SPAG17: variants seen among roughly 807,000 people sequenced by gnomAD.
SPAG17 encodes the protein sperm-associated antigen 17.
A neutral mutation model predicts 273.6 loss-of-function variants in SPAG17; 169 were observed. The ratio of observed to expected loss-of-function variants is 0.62; its 90% CI spans 0.55 to 0.70. The LOEUF (loss-of-function observed/expected upper bound fraction) is 0.70, where lower values mean the gene tolerates loss of function less well. SPAG17 is among the 30% of genes least tolerant of loss of function. The probability of loss-of-function intolerance (pLI) is 0.00; values close to 1 mark genes in which losing one functional copy is unlikely to be tolerated. For synonymous variants in SPAG17, 825 were observed against 873.2 expected, an observed-to-expected ratio of 0.94 and a Z score of 0.97; for missense variants, 2,557 against 2,627.8, an observed-to-expected ratio of 0.97 and a Z score of 0.59.
intron 38 of SPAG17, among the ~76,000 whole-genome samples, chr1:117,990,133 T>C (rs1421100070): frequency 3.3e-5 from 5 of 152,088 alleles, no homozygotes; most frequent in African/African-American, 1.2e-4. Context: ...CTGTCAATTA[T>C]CTTCAGCCAA....
chr1:118,094,768 C>T (rs918288379), intron 7 of SPAG17, among the ~76,000 whole-genome samples: 1 of 152,044 alleles, frequency 6.6e-6, no homozygotes, highest in Non-Finnish European at 1.5e-5. Flanking sequence ...CAAGACTTTC[C>T]CTCCCCATCA....
At chr1:118,006,860 T>A (rs769630191) in intron 31 of SPAG17, among the ~76,000 whole-genome samples, 6 of 152,262 alleles carry the variant, frequency 3.9e-5, no homozygotes, top group Admixed American at 6.5e-5. Context: ...CCCTCACAAC[T>A]AATGATGTTG....
chr1:118,115,694 G>A (rs569778492), intron 3 of SPAG17, among the ~76,000 whole-genome samples: 8 of 152,242 alleles, frequency 5.3e-5, no homozygotes, highest in East Asian at 1.9e-4. Context: ...TGCTTCCCAC[G>A]ATGGTGTTAG....
At chr1:118,168,866 C>T (rs1660291112) in intron 1 of SPAG17, among the ~76,000 whole-genome samples, 1 of 152,058 alleles carries the variant, frequency 6.6e-6, no homozygotes, top group Admixed American at 6.6e-5. Context: ...ATCTTCAGGC[C>T]AGGAAACTGC....
chr1:118,102,659 G>T (rs539207882), intron 4 of SPAG17, among the ~76,000 whole-genome samples: 1 of 152,080 alleles, frequency 6.6e-6, no homozygotes, highest in Admixed American at 6.5e-5. Flanking sequence ...CATTAATTCC[G>T]CCCCAACACC....
Position 118,023,482 on chromosome 1 carries a change from T to C in SPAG17, c.3910-19A>G. 2 of 1,597,896 alleles carry C rather than the reference T, an allele frequency of 1.3e-6. No individual in the cohort carries two copies. Among genetic ancestry groups the C allele is most frequent in the Non-Finnish European group, 1.7e-6 (2 of 1,171,978 alleles). On this transcript the variant is annotated intron_variant, in intron 27 of 48. Transcript: ENST00000336338. ...AGAGAATCTGAAGAATGAACAAAAGTTTTCAGCATTCTCAGAAGCAAGAGA... is the reference window on the plus strand; with the variant it reads ...AGAGAATCTGAAGAATGAACAAAAGCTTTCAGCATTCTCAGAAGCAAGAGA...
At chr1:118,165,868 C>G (rs2102382040) in intron 1 of SPAG17, among the ~76,000 whole-genome samples, 1 of 152,166 alleles carries the variant, frequency 6.6e-6, no homozygotes, top group African/African-American at 2.4e-5. Context: ...TGGTCTCAAT[C>G]TCCTGACCTC....
chr1:118,021,522 G>A (rs1278768155), intron 28 of SPAG17, among the ~76,000 whole-genome samples: 4 of 152,122 alleles, frequency 2.6e-5, no homozygotes, highest in African/African-American at 9.7e-5. Context: ...CACCAAGAGT[G>A]AACCCTAATG....
In SPAG17 at chr1:117,996,290, CATGAAG is replaced by C; in HGVS notation, c.5053+74_5053+79del. 4.8e-6 allele frequency: 7 copies of C among 1,462,078 alleles called. No homozygotes were observed. In the South Asian group the frequency reaches 1.1e-4, roughly 23 times the overall value. The allele number at this position is 1,462,078 out of a possible 1,614,324, so 90.6% of individuals were successfully genotyped here. A position where few individuals can be genotyped will look rare whatever the true frequency, so the allele number is the denominator to read the frequency against. On this transcript the variant is annotated intron_variant, in intron 34 of 48. Coordinates refer to ENST00000336338, the MANE Select transcript of SPAG17 (RefSeq NM_206996.4). ...GAGCAAAGCGGAAAAAGTAAGATGACATGAAGATAGACTGGATAGTAAGGAGGATGA... is the reference window on the plus strand; with the variant it reads ...GAGCAAAGCGGAAAAAGTAAGATGACATAGACTGGATAGTAAGGAGGATGA...
rs781128565 is a variant in SPAG17, at chr1:118,093,209, C to A, written c.1120G>T (p.Val374Phe). 3 of 1,613,726 alleles carry A rather than the reference C, an allele frequency of 1.9e-6. No homozygotes were observed. The South Asian group carries it at 3.3e-5, about 18-fold the overall frequency. The change falls in exon 8 of 49, where the codon GTT becomes TTT. Residue 374 changes from valine to phenylalanine, a missense_variant. By Grantham distance (50) the Val-to-Phe change is conservative (BLOSUM62 -1). Transcript: ENST00000336338. The stretch of plus-strand genomic sequence containing the variant: ...GGTTTCTCATTAACCACTTGTGGAA[C>A]ATTAATAAGCTGCATGCTTTCCAAA... Reference protein sequence around the residue: ...HYLESMQLINVPQVVNEKPVL... With the variant: ...HYLESMQLINFPQVVNEKPVL...
chr1:117,967,296 C>CAA (rs5777330), intron 46 of SPAG17, among the ~76,000 whole-genome samples: 208 of 85,998 alleles, frequency 2.4e-3, no homozygotes, highest in African/African-American at 9.1e-3. Flanking sequence ...AACTCCATCT[C>CAA]AAAAAAAAAA....
At chr1:118,103,902 T>G (rs1242297563) in intron 4 of SPAG17, among the ~76,000 whole-genome samples, 1 of 146,752 alleles carries the variant, frequency 6.8e-6, no homozygotes, top group Non-Finnish European at 1.5e-5. Flanking sequence ...GCTGCGTGTG[T>G]TCCAAGAACT....
chr1:117,995,964 T>C lies in SPAG17; in HGVS notation c.5053+406A>G, dbSNP rs146765364. On this transcript the variant is annotated intron_variant, in intron 34 of 48. Transcript: ENST00000336338. ...TCAGGTTGGCATTATAACTCACCTA[T>C]CAATTTCATCAAAGCAATATCTTCA... Among the ~76,000 whole-genome samples the C allele has an allele frequency of 1.7e-3, 264 of 152,188 alleles. 1 individual carries two copies. The highest frequency in any genetic ancestry group is 6.1e-3 in the African/African-American group (252 of 41,520).
intron 4 of SPAG17, 36 bp downstream of exon 4, chr1:118,115,274 T>A: frequency 2.5e-6 from 4 of 1,607,964 alleles, no homozygotes; most frequent in Non-Finnish European, 3.4e-6. Flanking sequence ...ATTCACCACT[T>A]GCCCTCTTTA....
Position 117,991,424 on chromosome 1 carries a change from C to A in SPAG17, c.5466G>T (p.Lys1822Asn), listed in dbSNP as rs371177916. The part of the protein sequence containing the change: ...EERGNAADLL[K>N]LVMSFPKMEE... The stretch of plus-strand genomic sequence containing the variant: ...CAAGGCATTTTCTCACCATAACCAG[C>A]TTGAGGAGATCAGCAGCATTGCCTC... Residue 1822 changes from lysine to asparagine, a missense_variant, in exon 37 of 49, where the codon AAG (lysine) becomes AAT (asparagine). Lys to Asn is a moderately conservative substitution (Grantham distance 94). Transcript: ENST00000336338. 6.3e-7 allele frequency: 1 copy of A among 1,599,456 alleles called. No individual in the cohort carries two copies. Among genetic ancestry groups the A allele is most frequent in the East Asian group, 2.3e-5 (1 of 44,320 alleles).
intron 37 of SPAG17, 62 bp downstream of exon 37, chr1:117,991,353 G>T: frequency 3.0e-6 from 3 of 986,274 alleles, no homozygotes; most frequent in South Asian, 1.9e-5. Context: ...ACGATATTTT[G>T]TCCTGAAACA....
chr1:118,085,126 G>A (rs540626135), intron 13 of SPAG17, among the ~76,000 whole-genome samples: 1 of 152,190 alleles, frequency 6.6e-6, no homozygotes, highest in African/African-American at 2.4e-5. Flanking sequence ...GATGGTCCAC[G>A]GTAGTGCTCA....
intron 20 of SPAG17, among the ~76,000 whole-genome samples, chr1:118,047,093 A>C (rs1650442626): frequency 6.6e-6 from 1 of 152,238 alleles, no homozygotes; most frequent in African/African-American, 2.4e-5. Context: ...TCTTGTGAAT[A>C]AAATTTATTA....
intron 1 of SPAG17, among the ~76,000 whole-genome samples, chr1:118,172,859 C>G (rs778892966): frequency 1.1e-4 from 17 of 152,086 alleles, no homozygotes; most frequent in Non-Finnish European, 2.4e-4. Flanking sequence ...TTTGCCATCT[C>G]TGAACATTTG....
Sources: gnomAD v4.1 joint callset for allele counts (sites outside exome capture counted in the v4.1 genomes callset) on GRCh38, gnomAD v4.1.1 for gene constraint, MANE v1.5 for transcripts, NCBI Gene and HGNC (gene_info 2026-07-23, HGNC 2026-07-21) for gene names.